SLC35A2: variants seen among roughly 807,000 people sequenced by gnomAD.
The protein encoded by SLC35A2 is UDP-galactose translocator.
A neutral mutation model predicts 17.3 loss-of-function variants in SLC35A2; 1 was observed. That is an observed-to-expected ratio of 0.06 (90% CI 0.02 to 0.27). SLC35A2 has a LOEUF of 0.27. Among genes scored for constraint, SLC35A2 ranks in the 10% least tolerant of loss-of-function variants. SLC35A2 has a pLI of 1.00. For synonymous variants in SLC35A2, 161 were observed against 161.3 expected (o/e 1.00, Z 0.01); for missense variants, 191 against 339.3 (o/e 0.56, Z 3.43).
In SLC35A2 at chrX:48,911,530, G is replaced by GA. The variant is rs1557044048; in HGVS notation, c.91+15_91+16insT. ...ACCTCCGCCTCCCATGCGACTGCTC[G>GA]GGCAGACTGTCTCACCCGCACTGGC... is the stretch of plus-strand genomic sequence containing the variant. On this transcript the variant is annotated intron_variant, in intron 1 of 4. Coordinates refer to ENST00000247138, the MANE Select transcript of SLC35A2 (RefSeq NM_005660.3). 3.4e-6 allele frequency: 4 copies of GA among 1,159,620 alleles called. No individual in the cohort carries two copies. The African/African-American group carries it at 7.1e-5, about 21-fold the overall frequency.
At position 48,903,385 on chromosome X, in the gene SLC35A2, G is replaced by C; in HGVS notation, c.*53C>G. Reference sequence around the variant, plus strand: ...CTGATCAGAGTTTGGTCCCAGCTGGGCCAAGGGCAAGAAGAGAGAACGAGG... The same window carrying C: ...CTGATCAGAGTTTGGTCCCAGCTGGCCCAAGGGCAAGAAGAGAGAACGAGG... On this transcript the variant is annotated 3_prime_UTR_variant, in exon 5 of 5. Coordinates refer to ENST00000247138, the MANE Select transcript of SLC35A2 (RefSeq NM_005660.3). 1 of 579,004 alleles carries C rather than the reference G, an allele frequency of 1.7e-6. No individual in the cohort carries two copies. Among genetic ancestry groups the C allele is most frequent in the South Asian group, 2.3e-5 (1 of 44,335 alleles). 47.7% of individuals were successfully genotyped at this position (579,004 alleles called of 1,213,427 possible). A position where few individuals can be genotyped will look rare whatever the true frequency, so the allele number is the denominator to read the frequency against.
Position 48,905,450 on chromosome X carries a change from C to T in SLC35A2, c.459G>A (p.Ala153=), listed in dbSNP as rs2063483902. The T allele has an allele frequency of 2.6e-6, 3 of 1,159,484 alleles. No individual in the cohort carries two copies. The highest frequency in any genetic ancestry group is 2.5e-5 in the Admixed American group (1 of 40,540). The part of the protein sequence containing the change: ...VTYQLKILTT[A]LFSVLMLNRS... The stretch of plus-strand genomic sequence containing the variant: ...GATTCAGCATGAGCACGGAGAACAG[C>T]GCTGTGGTCAGGATCTTCAGCTGGT... Residue 153 remains alanine, a synonymous_variant, in exon 4 of 5, where the codon GCG becomes GCA. Coordinates refer to ENST00000247138, the MANE Select transcript of SLC35A2 (RefSeq NM_005660.3).
At chrX:48,904,509 C>T in intron 4 of SLC35A2, 1 of 1,128,578 alleles carries the variant, frequency 8.9e-7, no homozygotes, top group Non-Finnish European at 1.2e-6. Flanking sequence ...AGCTCTAAAA[C>T]CCCCTCCAGG....
chrX:48,909,635 C>T (rs1370492360), intron 2 of SLC35A2, among the ~76,000 whole-genome samples, 179 bp downstream of exon 2: 1 of 113,620 alleles, frequency 8.8e-6, no homozygotes, highest in African/African-American at 3.2e-5. Context: ...CCACACAGGC[C>T]GGCTACCCGG....
chrX:48,905,652 A>C (rs920639310), intron 3 of SLC35A2, among the ~76,000 whole-genome samples, 170 bp from the exon 4 acceptor site: 3 of 112,237 alleles, frequency 2.7e-5, no homozygotes, highest in African/African-American at 9.7e-5. Flanking sequence ...GAGCTGCAGC[A>C]AAACAGTTCT....
rs1557042922 is a variant in SLC35A2 at position 48,905,372 on chromosome X, G to A, written c.537C>T (p.Val179=). 2.5e-6 allele frequency: 3 copies of A among 1,193,929 alleles called. No homozygotes were observed. The highest frequency in any genetic ancestry group is 1.8e-5 in the South Asian group (1 of 54,548). Residue 179 remains valine, a synonymous_variant, in exon 4 of 5, where the codon GTC becomes GTT. Transcript: ENST00000247138. ...CGGCTTGCTGTGCCTGGACAATGGC[G>A]ACGCCAGTGAAGAGGAGCAGCAGGG... The part of the protein sequence containing the change: ...WASLLLLFTG[V]AIVQAQQAGG...
At chrX:48,909,693 G>T in intron 2 of SLC35A2, 121 bp downstream of exon 2, 1 of 607,779 alleles carries the variant, frequency 1.6e-6, no homozygotes, top group Non-Finnish European at 2.6e-6. Flanking sequence ...TAGCTGGAGT[G>T]GCGCTCCAGG....
rs372522575 is a variant in SLC35A2, at chrX:48,904,551, C to T, written c.1163+195G>A. The T allele has an allele frequency of 1.8e-5, 21 of 1,177,992 alleles. No homozygotes were observed. The East Asian group carries it at 1.9e-4, about 11-fold the overall frequency. On this transcript the variant is annotated intron_variant, in intron 4 of 4. Coordinates refer to ENST00000247138, the MANE Select transcript of SLC35A2 (RefSeq NM_005660.3). ...GGGTCACCCTACCAGGAAGGGTTCA[C>T]GTGACACCCAGCTCTAGTCCCACAC... is the stretch of plus-strand genomic sequence containing the variant.
intron 4 of SLC35A2, chrX:48,904,037 A>G: frequency 1.3e-6 from 1 of 760,759 alleles, no homozygotes. Context: ...ACCCTGGATC[A>G]TTAATGATAT....
rs782371868 is a variant in SLC35A2, at chrX:48,904,726, C to T, written c.1163+20G>A. 9.9e-6 allele frequency: 12 copies of T among 1,211,809 alleles called. No individual in the cohort carries two copies. The South Asian group carries it at 2.1e-4, about 21-fold the overall frequency. On this transcript the variant is annotated intron_variant, in intron 4 of 4. Coordinates refer to ENST00000247138, the MANE Select transcript of SLC35A2 (RefSeq NM_005660.3). ...TTGTGTCCCCCCATTGCTGCCAGCC[C>T]TCACTTCACCAGCACTGACTTTGGC... is the stretch of plus-strand genomic sequence containing the variant.
In SLC35A2 at chrX:48,905,344, C is replaced by A; in HGVS notation, c.565G>T (p.Gly189Trp). 8.4e-7 allele frequency: 1 copy of A among 1,184,688 alleles called. No homozygotes were observed. The highest frequency in any genetic ancestry group is 1.7e-5 in the African/African-American group (1 of 57,744). The change falls in exon 4 of 5, where the codon GGG (glycine) becomes TGG (tryptophan). Residue 189 changes from glycine (G) to tryptophan (W), a missense_variant. Gly to Trp is a radical substitution (Grantham distance 184). Transcript: ENST00000247138. ...VAIVQAQQAG[G>W]GGPRPLDQNP... is the part of the protein sequence containing the mutation. ...TGATCCAGTGGCCGTGGGCCTCCCC[C>A]ACCGGCTTGCTGTGCCTGGACAATG...
upstream of SLC35A2, chrX:48,911,884 A>G (rs1245328553): frequency 5.1e-6 from 6 of 1,165,551 alleles, no homozygotes; most frequent in Admixed American, 1.3e-4. Flanking sequence ...TCATCGGCCC[A>G]TTCCTGTCAC....
chrX:48,911,877 T>C (rs1557044219), upstream of SLC35A2: 15 of 1,167,319 alleles, frequency 1.3e-5, no homozygotes, highest in South Asian at 1.9e-5. Flanking sequence ...CAGAGCTTCA[T>C]CGGCCCATTC....
intron 1 of SLC35A2, 165 bp from the exon 2 acceptor site, chrX:48,910,161 C>T (rs1351778242): frequency 5.5e-6 from 5 of 913,410 alleles, no homozygotes; most frequent in Non-Finnish European, 6.1e-6. Flanking sequence ...TGACTCCTAC[C>T]GGCTTACTGC....
intron 4 of SLC35A2, chrX:48,904,222 C>T (rs1391029642): frequency 3.7e-5 from 31 of 834,117 alleles, no homozygotes; most frequent in Non-Finnish European, 4.3e-5. Flanking sequence ...AAAGACGGAA[C>T]TAGTAACATG....
chrX:48,905,462 G>C lies in SLC35A2; in HGVS notation c.447C>G (p.Ile149Met). The change falls in exon 4 of 5, where the codon ATC becomes ATG. Residue 149 changes from isoleucine to methionine, a missense_variant. Transcript: ENST00000247138. ...GCACGGAGAACAGCGCTGTGGTCAG[G>C]ATCTTCAGCTGGTATGTCACCTGCG... ...ATFQVTYQLK[I>M]LTTALFSVLM... The C allele has an allele frequency of 8.7e-7, 1 of 1,150,804 alleles. No homozygotes were observed. Among genetic ancestry groups the C allele is most frequent in the Non-Finnish European group, 1.1e-6 (1 of 869,719 alleles). 94.8% of individuals were successfully genotyped at this position (1,150,804 alleles called of 1,213,427 possible).
chrX:48,904,215 G>A, intron 4 of SLC35A2: 1 of 821,344 alleles, frequency 1.2e-6, no homozygotes. Flanking sequence ...CCACACAAAA[G>A]ACGGAACTAG....
chrX:48,911,478 G>T, intron 1 of SLC35A2, 68 bp downstream of exon 1: 6 of 1,135,476 alleles, frequency 5.3e-6, no homozygotes, highest in Non-Finnish European at 4.7e-6. Flanking sequence ...CTTTAGTGAG[G>T]AACATTCCCG....
In SLC35A2 at chrX:48,905,096, G is replaced by A; in HGVS notation, c.813C>T (p.Val271=). 2.5e-6 allele frequency: 3 copies of A among 1,211,152 alleles called. No individual in the cohort carries two copies. The highest frequency in any genetic ancestry group is 3.4e-6 in the Non-Finnish European group (3 of 895,125). The part of the protein sequence containing the change: ...RGFFFGYTPA[V]WGVVLNQAFG... The stretch of plus-strand genomic sequence containing the variant: ...AGGCCTGGTTGAGCACCACGCCCCA[G>A]ACAGCAGGTGTGTACCCAAAAAAGA... The change falls in exon 4 of 5, where the codon GTC becomes GTT. Residue 271 remains valine, a synonymous_variant. Transcript: ENST00000247138.
Sources: gnomAD v4.1 joint callset for allele counts (sites outside exome capture counted in the v4.1 genomes callset) on GRCh38, gnomAD v4.1.1 for gene constraint, MANE v1.5 for transcripts, NCBI Gene and HGNC (gene_info 2026-07-23, HGNC 2026-07-21) for gene names.